ELFN1: variants seen among roughly 807,000 people sequenced by gnomAD.
The protein encoded by ELFN1 is extracellular leucine rich repeat and fibronectin type III domain containing 1.
ELFN1 carries 6 observed loss-of-function variants against 7.6 expected under a neutral mutation model. The ratio of observed to expected loss-of-function variants is 0.79; its 90% CI spans 0.43 to 1.56. ELFN1 has a LOEUF of 1.56. ELFN1 is among the 40% of genes most tolerant of loss of function. The pLI is 0.01. For missense variants in ELFN1, 1,169 were observed against 1,232.2 expected (o/e 0.95, Z 0.77); for synonymous variants, 657 against 588.1 (o/e 1.12, Z -1.70).
intron 2 of ELFN1, chr7:1,693,413 T>C (rs1456334771): frequency 2.1e-6 from 1 of 471,110 alleles, no homozygotes; most frequent in Non-Finnish European, 4.4e-6. Context: ...AGTAGGTATG[T>C]GCACATATGT....
intron 3 of ELFN1, among the ~76,000 whole-genome samples, chr7:1,727,333 T>G (rs1478394889): frequency 2.0e-5 from 3 of 152,168 alleles, no homozygotes; most frequent in African/African-American, 7.2e-5. Flanking sequence ...TGGGGTTATC[T>G]CCTGAGGCTT....
upstream of ELFN1, among the ~76,000 whole-genome samples, chr7:1,667,308 C>G (rs1240878311): frequency 6.6e-6 from 1 of 152,154 alleles, no homozygotes; most frequent in Non-Finnish European, 1.5e-5. This position sits in a 1 kb window ranked among gnomAD's most constrained non-coding sequence, Gnocchi z 8.2. Flanking sequence ...CGCGCCCTTC[C>G]TCCCAACCCA....
intron 3 of ELFN1, among the ~76,000 whole-genome samples, chr7:1,718,218 A>G (rs1276878954): frequency 6.6e-6 from 1 of 152,218 alleles, no homozygotes; most frequent in Non-Finnish European, 1.5e-5. Context: ...GTTGGCTAGA[A>G]TGTGGTCCTA....
intron 3 of ELFN1, among the ~76,000 whole-genome samples, chr7:1,720,437 G>T (rs1779984012): frequency 1.3e-5 from 2 of 152,216 alleles, no homozygotes; most frequent in Non-Finnish European, 1.5e-5. Flanking sequence ...CTCAGGAATG[G>T]GTCCCCAGCC....
At chr7:1,728,205 T>G (rs555848971) in intron 3 of ELFN1, among the ~76,000 whole-genome samples, 1 of 152,268 alleles carries the variant, frequency 6.6e-6, no homozygotes, top group East Asian at 1.9e-4. Flanking sequence ...GGACCTGTGG[T>G]CTGCACTGTA....
intron 3 of ELFN1, among the ~76,000 whole-genome samples, chr7:1,715,813 A>G (rs963204670): frequency 2.0e-5 from 3 of 152,152 alleles, no homozygotes; most frequent in African/African-American, 7.2e-5. Context: ...CCCCTGGGTC[A>G]GGGCTCCTGA....
Position 1,735,843 on chromosome 7 carries a change from G to A in ELFN1, c.-293-8461G>A, listed in dbSNP as rs1780427403. Among the ~76,000 whole-genome samples, 1 of 152,150 alleles carries A rather than the reference G, an allele frequency of 6.6e-6. No homozygotes were observed. The highest frequency in any genetic ancestry group is 1.5e-5 in the Non-Finnish European group (1 of 68,004). On this transcript the variant is annotated intron_variant, in intron 3 of 3. Coordinates refer to ENST00000424383, the MANE Select transcript of ELFN1 (RefSeq NM_001128636.4). This position sits in a 1 kb window ranked among gnomAD's most constrained non-coding sequence, Gnocchi z 5.9. ...ATCATGCCAGGAGCCTTCAGTAACTGGTGATGCATCCCCCACCACAACCCT... is the reference window on the plus strand; with the variant it reads ...ATCATGCCAGGAGCCTTCAGTAACTAGTGATGCATCCCCCACCACAACCCT...
chr7:1,741,010 A>G (rs1200383595), intron 3 of ELFN1, among the ~76,000 whole-genome samples: 1 of 151,936 alleles, frequency 6.6e-6, no homozygotes, highest in Non-Finnish European at 1.5e-5. Context: ...TGTGCCTATA[A>G]TCCCAGCTAC....
rs532192294 is a variant in ELFN1 at position 1,695,342 on chromosome 7, C to T, written c.-456+7192C>T. Among the ~76,000 whole-genome samples the T allele has an allele frequency of 9.5e-4, 145 of 152,266 alleles. No individual in the cohort carries two copies. Among genetic ancestry groups the T allele is most frequent in the African/African-American group, 3.1e-3 (129 of 41,554 alleles). On this transcript the variant is annotated intron_variant, in intron 2 of 3. Coordinates refer to ENST00000424383, the MANE Select transcript of ELFN1 (RefSeq NM_001128636.4). This position sits in a 1 kb window ranked among gnomAD's most constrained non-coding sequence, Gnocchi z 5.1. ...CTGCAGCTCAGGGCTCAGGTGTCCG[C>T]GTCGAGGGCACTCCCTAAAGGGCAG...
intron 3 of ELFN1, among the ~76,000 whole-genome samples, chr7:1,728,431 A>G (rs997676266): frequency 7.4e-4 from 113 of 152,372 alleles, no homozygotes; most frequent in African/African-American, 2.7e-3. Context: ...GAGGGTTTGC[A>G]GAGCTGGCTG....
chr7:1,709,330 G>C (rs1325206083), intron 3 of ELFN1, 78 bp downstream of exon 3: 1 of 152,326 alleles, frequency 6.6e-6, no homozygotes, highest in Non-Finnish European at 1.5e-5. Flanking sequence ...CTAATGACCT[G>C]TGAGTACGTG....
intron 1 of ELFN1, among the ~76,000 whole-genome samples, chr7:1,671,088 C>T (rs1022445866): frequency 1.3e-5 from 2 of 151,852 alleles, no homozygotes; most frequent in Non-Finnish European, 2.9e-5. Context: ...CAAGCGCCCC[C>T]ATTTCCATCC....
At chr7:1,729,811 A>G (rs1218914525) in intron 3 of ELFN1, among the ~76,000 whole-genome samples, 5 of 152,236 alleles carry the variant, frequency 3.3e-5, no homozygotes, top group African/African-American at 1.2e-4. Flanking sequence ...ATGTTAGAAC[A>G]GCCGTCCCGA....
chr7:1,666,118 G>A (rs1778667362), upstream of ELFN1, among the ~76,000 whole-genome samples: 1 of 151,980 alleles, frequency 6.6e-6, no homozygotes, highest in Non-Finnish European at 1.5e-5. This position sits in a 1 kb window ranked among gnomAD's most constrained non-coding sequence, Gnocchi z 7.9. Flanking sequence ...GGGTGCGCGC[G>A]CTCTGCTCGC....
intron 3 of ELFN1, among the ~76,000 whole-genome samples, chr7:1,711,578 GAGAGAGA>G (rs1779654433): frequency 1.5e-4 from 1 of 6,478 alleles, no homozygotes; most frequent in Non-Finnish European, 3.3e-4. Context: ...GAGAGAGTGA[GAGAGAGA>G]GAGAGAGAGA....
At chr7:1,706,879 A>G (rs1171436992) in intron 2 of ELFN1, among the ~76,000 whole-genome samples, 7 of 152,186 alleles carry the variant, frequency 4.6e-5, no homozygotes, top group Non-Finnish European at 8.8e-5. Flanking sequence ...GAGGTGGTGC[A>G]TTGGATGCCT....
rs919748271 is a variant in ELFN1, at chr7:1,744,438, C to T, written c.-159C>T. On this transcript the variant is annotated 5_prime_UTR_variant, in exon 4 of 4. Coordinates refer to ENST00000424383, the MANE Select transcript of ELFN1 (RefSeq NM_001128636.4). ...CCGTGAGGGAGGCGCCCTCCCTCCC[C>T]GCGCTTACGTCGCGCGGCCATGCGG... 9.0e-5 allele frequency: 75 copies of T among 829,284 alleles called. No homozygotes were observed. The South Asian group carries it at 1.2e-3, about 13-fold the overall frequency. The allele number at this position is 829,284 out of a possible 1,614,324, so 51.4% of individuals were successfully genotyped here.
rs1776104806 is a variant in ELFN1, at chr7:1,735,444, T to C, written c.-293-8860T>C. ...CTCCGTTCTACTCCCCAGCCCGGCC[T>C]CCTGGAGGGCAAGGCGGAGGTCAGG... On this transcript the variant is annotated intron_variant, in intron 3 of 3. Transcript: ENST00000424383. The surrounding 1 kb of genome is among the most constrained non-coding windows in gnomAD (Gnocchi z 5.9). 6.6e-6 allele frequency among the ~76,000 whole-genome samples: 1 copy of C among 151,968 alleles called. No homozygotes were observed. The highest frequency in any genetic ancestry group is 6.6e-5 in the Admixed American group (1 of 15,264).
intron 3 of ELFN1, among the ~76,000 whole-genome samples, chr7:1,744,101 A>G (rs1780705920): frequency 6.6e-6 from 1 of 152,148 alleles, no homozygotes; most frequent in Non-Finnish European, 1.5e-5. Context: ...TTCCTCCGCT[A>G]TCCTGACCTG....
Sources: allele counts gnomAD v4.1 joint callset (sites outside exome capture counted in the v4.1 genomes callset), GRCh38; gene constraint gnomAD v4.1.1; non-coding constraint Gnocchi (gnomAD v3.1); transcripts MANE v1.5; gene names NCBI Gene and HGNC (gene_info 2026-07-23, HGNC 2026-07-21).